ARHGAP10: variants seen among roughly 807,000 people sequenced by gnomAD.
ARHGAP10 encodes Rho GTPase activating protein 10.
In ARHGAP10, 87 loss-of-function variants were observed where a neutral mutation model predicts 108.6. That is an observed-to-expected ratio of 0.80 (90% CI 0.67 to 0.96). The LOEUF (loss-of-function observed/expected upper bound fraction) is 0.96, where lower values mean the gene tolerates loss of function less well. Among genes scored for constraint, ARHGAP10 ranks in the 40% least tolerant of loss-of-function variants. The pLI, the probability that ARHGAP10 is intolerant of heterozygous loss-of-function variation, is 0.00. For missense variants in ARHGAP10, 939 were observed against 954.5 expected (o/e 0.98, Z 0.21); for synonymous variants, 347 against 341.1 (o/e 1.02, Z -0.19).
intron 19 of ARHGAP10, among the ~76,000 whole-genome samples, chr4:148,046,035 G>A (rs186398966): frequency 7.2e-5 from 11 of 152,334 alleles, no homozygotes; most frequent in African/African-American, 2.6e-4. Flanking sequence ...AAATTTAATG[G>A]GGACTGAGGA....
In ARHGAP10 at chr4:148,023,267, T is replaced by C; in HGVS notation, c.1721T>C (p.Phe574Ser). 6.2e-7 allele frequency: 1 copy of C among 1,613,918 alleles called. No individual in the cohort carries two copies. The highest frequency in any genetic ancestry group is 8.5e-7 in the Non-Finnish European group (1 of 1,179,880). Residue 574 changes from phenylalanine (F) to serine (S), a missense_variant, in exon 19 of 23, where the codon TTT (phenylalanine) becomes TCT (serine). Phe to Ser is a radical substitution (Grantham distance 155, BLOSUM62 -2). Transcript: ENST00000336498. ...EILIENHEKIFRTPPDTTFPE... is the reference protein window; with the variant it reads ...EILIENHEKISRTPPDTTFPE... Reference sequence around the variant, plus strand: ...TCCTTTATGCTTTGTTGGAAGATTTTTCGGACGCCGCCCGATACTACATTC... The same window carrying C: ...TCCTTTATGCTTTGTTGGAAGATTTCTCGGACGCCGCCCGATACTACATTC...
chr4:147,912,993 A>G, intron 12 of ARHGAP10, 81 bp from the exon 13 acceptor site: 1 of 1,358,184 alleles, frequency 7.4e-7, no homozygotes, highest in South Asian at 1.2e-5. Flanking sequence ...TTGGATTTAA[A>G]TAATTTTTCC....
At position 147,857,622 on chromosome 4, in the gene ARHGAP10, T is replaced by A; in HGVS notation, c.454T>A (p.Ser152Thr). 2.0e-6 allele frequency: 3 copies of A among 1,498,548 alleles called. No individual in the cohort carries two copies. Among genetic ancestry groups the A allele is most frequent in the Non-Finnish European group, 2.7e-6 (3 of 1,126,286 alleles). 92.8% of individuals were successfully genotyped at this position (1,498,548 alleles called of 1,614,324 possible). ...TCTAATTGATAAACATTTGAATTTA[T>A]CAGCAAAAAAGAAAGACTCACATTT... ...YSLIDKHLNLSAKKKDSHLQE... is the reference protein window; with the variant it reads ...YSLIDKHLNLTAKKKDSHLQE... The change falls in exon 5 of 23, where the codon TCA becomes ACA. Residue 152 changes from serine to threonine, a missense_variant. Ser to Thr is a moderately conservative substitution (Grantham distance 58, BLOSUM62 1). Transcript: ENST00000336498.
chr4:147,975,966 C>A (rs1408598704), intron 18 of ARHGAP10, among the ~76,000 whole-genome samples: 8 of 152,204 alleles, frequency 5.3e-5, no homozygotes, highest in Non-Finnish European at 1.2e-4. Context: ...CTCCTAGGTT[C>A]ATTGGTGTAA....
intron 20 of ARHGAP10, among the ~76,000 whole-genome samples, chr4:148,062,583 T>TA (rs893302891): frequency 5.8e-4 from 87 of 151,174 alleles, no homozygotes; most frequent in African/African-American, 1.9e-3. Flanking sequence ...ACATTAACTT[T>TA]AAAAAAAAAG....
chr4:147,924,122 T>C (rs551168574), intron 13 of ARHGAP10, among the ~76,000 whole-genome samples: 37 of 152,342 alleles, frequency 2.4e-4, no homozygotes, highest in African/African-American at 8.4e-4. Context: ...TCCAGGCACA[T>C]CAGGACTGAA....
intron 1 of ARHGAP10, among the ~76,000 whole-genome samples, chr4:147,807,275 A>C (rs1019064923): frequency 2.0e-5 from 3 of 152,178 alleles, no homozygotes; most frequent in Non-Finnish European, 2.9e-5. Context: ...ATCCTGCATA[A>C]CAGTAGATGC....
intron 8 of ARHGAP10, among the ~76,000 whole-genome samples, chr4:147,877,819 C>CT (rs549355620): frequency 0.028 from 3,737 of 131,414 alleles, 101 homozygotes; most frequent in South Asian, 0.091. Flanking sequence ...ATTCTTCATA[C>CT]TTTTTTTTTT....
intron 13 of ARHGAP10, 122 bp downstream of exon 13, chr4:147,913,261 C>T: frequency 1.2e-6 from 1 of 825,458 alleles, no homozygotes. Flanking sequence ...AATGCTCATT[C>T]TGAGTATCAG....
At chr4:147,855,245 C>T (rs1230066177) in intron 4 of ARHGAP10, among the ~76,000 whole-genome samples, 1 of 152,164 alleles carries the variant, frequency 6.6e-6, no homozygotes, top group South Asian at 2.1e-4. Flanking sequence ...TAATGAGTGG[C>T]TAGGACTGCA....
chr4:147,985,802 G>A (rs975876652), intron 18 of ARHGAP10, among the ~76,000 whole-genome samples: 2 of 152,164 alleles, frequency 1.3e-5, no homozygotes, highest in African/African-American at 4.8e-5. Context: ...CCCCAAGTTA[G>A]CTCCAAGGCT....
At chr4:147,883,683 T>C (rs1368932251) in intron 10 of ARHGAP10, among the ~76,000 whole-genome samples, 2 of 152,070 alleles carry the variant, frequency 1.3e-5, no homozygotes, top group African/African-American at 4.8e-5. Flanking sequence ...CCCCACATCT[T>C]ACCTTTTTCT....
At chr4:147,830,006 G>A (rs111818514) in intron 3 of ARHGAP10, among the ~76,000 whole-genome samples, 4,607 of 152,246 alleles carry the variant, frequency 0.03, 227 homozygotes, top group African/African-American at 0.1. Context: ...GAGCTGTTCC[G>A]CCTCCCTCTC....
At position 148,049,847 on chromosome 4, in the gene ARHGAP10, CGGG is replaced by C. The variant is rs1307494697; in HGVS notation, c.2027+2800_2027+2802del. ...TTTTTTTGGGTGGGGGGGCGGGGGGCGGGGGGCGGGGGGTGGTGGTGGCGGTGG... is the reference window on the plus strand; with the variant it reads ...TTTTTTTGGGTGGGGGGGCGGGGGGCGGGCGGGGGGTGGTGGTGGCGGTGG... On this transcript the variant is annotated intron_variant, in intron 20 of 22. Transcript: ENST00000336498. Among the ~76,000 whole-genome samples the C allele has an allele frequency of 9.2e-3, 122 of 13,244 alleles. 1 individual carries two copies. Among genetic ancestry groups the C allele is most frequent in the Middle Eastern group, 0.083 (1 of 12 alleles). 8.7% of individuals were successfully genotyped at this position (13,244 alleles called of 152,430 possible).
At chr4:147,989,679 G>A (rs1281350802) in intron 18 of ARHGAP10, among the ~76,000 whole-genome samples, 1 of 152,180 alleles carries the variant, frequency 6.6e-6, no homozygotes, top group African/African-American at 2.4e-5. Context: ...CTTATTCCCT[G>A]AACAATTGCT....
intron 18 of ARHGAP10, among the ~76,000 whole-genome samples, chr4:148,004,442 C>G (rs2149648474): frequency 6.6e-6 from 1 of 152,274 alleles, no homozygotes; most frequent in South Asian, 2.1e-4. Context: ...GTGACCCAGG[C>G]CCTTGTGTGC....
In ARHGAP10 at chr4:147,866,733, A is replaced by ATGTT; in HGVS notation, c.621_624dup (p.Thr209ValfsTer9). The ATGTT allele has an allele frequency of 6.2e-7, 1 of 1,612,506 alleles. No homozygotes were observed. Among genetic ancestry groups the ATGTT allele is most frequent in the Non-Finnish European group, 8.5e-7 (1 of 1,179,372 alleles). ...TTAGATGCTGTCATTTTTTCAGGGGATGTTTACCTTCTATCATCAGGGCCA... is the reference window on the plus strand; with the variant it reads ...TTAGATGCTGTCATTTTTTCAGGGGATGTTTGTTTACCTTCTATCATCAGGGCCA... On this transcript the variant is annotated frameshift_variant, in exon 7 of 23. Transcript: ENST00000336498. LOFTEE classifies it high-confidence loss of function.
intron 1 of ARHGAP10, among the ~76,000 whole-genome samples, chr4:147,782,409 G>T (rs1730572077): frequency 6.6e-6 from 1 of 152,210 alleles, no homozygotes; most frequent in East Asian, 1.9e-4. Flanking sequence ...TCAGGAGTGG[G>T]TTCTTCCGGT....
intron 8 of ARHGAP10, among the ~76,000 whole-genome samples, chr4:147,878,128 C>T (rs970823246): frequency 6.6e-6 from 1 of 151,604 alleles, no homozygotes; most frequent in African/African-American, 2.4e-5. Flanking sequence ...GAGACAGAGC[C>T]TCTGTCACCC....
Sources: allele counts gnomAD v4.1 joint callset (sites outside exome capture counted in the v4.1 genomes callset), GRCh38; gene constraint gnomAD v4.1.1; transcripts MANE v1.5; gene names NCBI Gene and HGNC (gene_info 2026-07-23, HGNC 2026-07-21).